The following CACNA1D variants were observed in gnomAD, a reference collection of about 807,000 sequenced individuals.
The protein encoded by CACNA1D is calcium voltage-gated channel subunit alpha1 D, also known as voltage-dependent L-type calcium channel subunit alpha-1D.
In CACNA1D, 55 loss-of-function variants were observed where a neutral mutation model predicts 257.1. The observed-to-expected ratio is 0.21, with a 90% confidence interval of 0.17 to 0.27. The LOEUF is 0.27. Ranked by LOEUF, CACNA1D falls within the 10% of genes least tolerant of loss-of-function variation. The pLI, the probability that CACNA1D is intolerant of heterozygous loss-of-function variation, is 1.00. For missense variants in CACNA1D, 1,876 were observed against 2,784.0 expected (o/e 0.67, Z 7.34); for synonymous variants, 980 against 1,014.9 (o/e 0.97, Z 0.65).
chr3:53,501,491 G>A (rs2107127783), intron 2 of CACNA1D, 124 bp from the exon 3 acceptor site: 6 of 663,822 alleles, frequency 9.0e-6, no homozygotes, highest in South Asian at 5.1e-5. Flanking sequence ...GCAGTCAGCC[G>A]AAATAGGATT....
intron 3 of CACNA1D, among the ~76,000 whole-genome samples, chr3:53,553,344 G>A (rs563949501): frequency 4.6e-5 from 7 of 152,258 alleles, no homozygotes; most frequent in Admixed American, 2.0e-4. Flanking sequence ...GCCGCTGCCC[G>A]TCTGTCTGCC....
chr3:53,599,219 C>A (rs77084828), intron 3 of CACNA1D, among the ~76,000 whole-genome samples: 3,469 of 152,036 alleles, frequency 0.023, 112 homozygotes, highest in East Asian at 0.094. Flanking sequence ...CATATAGGAA[C>A]CAGATAAAGG....
chr3:53,735,640 G>A (rs1239211238), intron 20 of CACNA1D, 137 bp downstream of exon 20: 34 of 915,260 alleles, frequency 3.7e-5, no homozygotes, highest in Non-Finnish European at 5.4e-5. Context: ...GACGTTGGCT[G>A]TTTCCGGTTT....
Position 53,745,885 on chromosome 3 carries a change from C to T in CACNA1D, c.3167+10C>T, listed in dbSNP as rs372522024. On this transcript the variant is annotated intron_variant, in intron 25 of 47. Transcript: ENST00000350061. ...ACCCTGAAGAATGCAGGTGAGCGTC[C>T]TGAGAGTGGAGTAGGGGACTTAGAA... is the stretch of plus-strand genomic sequence containing the variant. 1.1e-5 allele frequency: 17 copies of T among 1,608,294 alleles called. No homozygotes were observed. Among genetic ancestry groups the T allele is most frequent in the Middle Eastern group, 3.3e-4 (2 of 6,080 alleles).
chr3:53,765,316 G>T (rs952948538), intron 30 of CACNA1D: 8 of 152,620 alleles, frequency 5.2e-5, no homozygotes, highest in Admixed American at 2.0e-4. Flanking sequence ...AACACCTTTG[G>T]TTCATCATTG....
At chr3:53,501,413 A>G (rs1475341827) in intron 2 of CACNA1D, among the ~76,000 whole-genome samples, 1 of 152,198 alleles carries the variant, frequency 6.6e-6, no homozygotes, top group Non-Finnish European at 1.5e-5. Context: ...CGGAGAGGTC[A>G]TTTGGTAGGA....
At chr3:53,796,204 C>T (rs914422545) in intron 40 of CACNA1D, 2 of 387,396 alleles carry the variant, frequency 5.2e-6, no homozygotes, top group Non-Finnish European at 1.1e-5. Flanking sequence ...AAAGGGTTAA[C>T]CAGAACTTGT....
intron 8 of CACNA1D, among the ~76,000 whole-genome samples, chr3:53,682,371 A>AAAAAAAAAC (rs2094438512): frequency 1.2e-5 from 1 of 84,568 alleles, no homozygotes; most frequent in Non-Finnish European, 2.4e-5. Context: ...CTGGTAAAAA[A>AAAAAAAAAC]AAAAAAAAAA....
intron 43 of CACNA1D, among the ~76,000 whole-genome samples, chr3:53,803,198 G>T (rs1193324941): frequency 6.6e-6 from 1 of 152,138 alleles, no homozygotes; most frequent in Non-Finnish European, 1.5e-5. Context: ...ATTGTGCAGG[G>T]CACTGAGAGA....
chr3:53,517,127 C>T (rs79420186), intron 3 of CACNA1D, among the ~76,000 whole-genome samples: 3,039 of 152,282 alleles, frequency 0.02, 100 homozygotes, highest in African/African-American at 0.069. Context: ...TACACATGGG[C>T]GGCATCATCC....
intron 9 of CACNA1D, among the ~76,000 whole-genome samples, chr3:53,707,904 CCT>C (rs1167186804): frequency 6.6e-6 from 1 of 152,144 alleles, no homozygotes; most frequent in African/African-American, 2.4e-5. Flanking sequence ...ATTAATAATT[CCT>C]CTAAGTAAAG....
intron 3 of CACNA1D, among the ~76,000 whole-genome samples, chr3:53,626,668 C>G (rs931565323): frequency 6.6e-6 from 1 of 152,156 alleles, no homozygotes; most frequent in Non-Finnish European, 1.5e-5. Flanking sequence ...CAGCTTTAGC[C>G]ACCATCTTGG....
At chr3:53,521,642 G>A (rs2091580995) in intron 3 of CACNA1D, among the ~76,000 whole-genome samples, 1 of 151,858 alleles carries the variant, frequency 6.6e-6, no homozygotes. Flanking sequence ...AAAGATAATT[G>A]GTAGGCTCTG....
chr3:53,758,166 C>G lies in CACNA1D; in HGVS notation c.3787-3832C>G, dbSNP rs1442310813. ...CTGGGTAGAGCAGAGTGGAGCACAT[C>G]TTCCCTTAATTCCCCGCTTACCTTT... On this transcript the variant is annotated intron_variant, in intron 29 of 47. Transcript: ENST00000350061. Among the ~76,000 whole-genome samples, 3 of 152,284 alleles carry G rather than the reference C, an allele frequency of 2.0e-5. No homozygotes were observed. The East Asian group carries it at 5.8e-4, about 29-fold the overall frequency.
At chr3:53,496,621 T>C (rs2090361107) in intron 1 of CACNA1D, among the ~76,000 whole-genome samples, 1 of 152,048 alleles carries the variant, frequency 6.6e-6, no homozygotes, top group Admixed American at 6.5e-5. Context: ...CTATGGAAGA[T>C]TTTTTTTCGG....
intron 9 of CACNA1D, among the ~76,000 whole-genome samples, chr3:53,705,227 A>T (rs901109689): frequency 2.0e-5 from 3 of 152,068 alleles, no homozygotes; most frequent in African/African-American, 7.2e-5. Context: ...GGGCGATGTG[A>T]GGAAGGCTCC....
At chr3:53,672,903 T>A in intron 7 of CACNA1D, 120 bp from the exon 8 acceptor site, 2 of 704,632 alleles carry the variant, frequency 2.8e-6, no homozygotes, top group Non-Finnish European at 4.9e-6. Context: ...CTGTTGTTTC[T>A]GATTTAAATC....
intron 3 of CACNA1D, chr3:53,530,272 C>A (rs896702067): frequency 2.0e-5 from 3 of 152,068 alleles, no homozygotes; most frequent in Admixed American, 2.0e-4. Flanking sequence ...GATGGTGCAT[C>A]CAGGAAAAAT....
intron 30 of CACNA1D, chr3:53,762,440 T>A (rs776334669): frequency 6.6e-5 from 28 of 425,476 alleles, no homozygotes; most frequent in Non-Finnish European, 1.2e-4. Flanking sequence ...ATGTTTCAAG[T>A]CGCCGTGTGG....
Sources: allele counts gnomAD v4.1 joint callset (sites outside exome capture counted in the v4.1 genomes callset), GRCh38; gene constraint gnomAD v4.1.1; transcripts MANE v1.5; gene names NCBI Gene and HGNC (gene_info 2026-07-23, HGNC 2026-07-21).